RASSF8: variants seen among roughly 807,000 people sequenced by gnomAD.
The protein encoded by RASSF8 is Ras association domain family member 8.
Under a neutral mutation model 48.5 loss-of-function variants are expected in RASSF8, and 22 were observed. The observed-to-expected ratio is 0.45, with a 90% CI of 0.32 to 0.65. The LOEUF (loss-of-function observed/expected upper bound fraction) is 0.65. Among genes scored for constraint, RASSF8 ranks in the 30% least tolerant of loss-of-function variants. The pLI, the probability that RASSF8 is intolerant of heterozygous loss-of-function variation, is 0.03. For synonymous variants in RASSF8, 127 were observed against 171.5 expected (o/e 0.74, Z 2.03); for missense variants, 418 against 489.2 (o/e 0.85, Z 1.37).
chr12:26,067,429 TA>T, intron 4 of RASSF8, 139 bp from the exon 5 acceptor site: 2 of 930,042 alleles, frequency 2.2e-6, no homozygotes, highest in South Asian at 1.8e-5. Flanking sequence ...TGTGTCAATA[TA>T]AACCAGATTT....
intron 2 of RASSF8, among the ~76,000 whole-genome samples, chr12:26,024,026 T>G (rs1942848066): frequency 6.6e-6 from 1 of 152,240 alleles, no homozygotes; most frequent in Admixed American, 6.5e-5. Context: ...GTCAAATAAT[T>G]CTACAAAGTA....
chr12:26,047,935 A>G (rs1943407032), intron 2 of RASSF8, among the ~76,000 whole-genome samples: 3 of 152,258 alleles, frequency 2.0e-5, no homozygotes. Flanking sequence ...GCTGGCAAGT[A>G]GCATTCTATT....
chr12:25,980,262 AT>A (rs2136903852), intron 1 of RASSF8, among the ~76,000 whole-genome samples: 1 of 152,288 alleles, frequency 6.6e-6, no homozygotes, highest in South Asian at 2.1e-4. Flanking sequence ...AATACTCATA[AT>A]TTGATTGTAT....
chr12:26,060,111 A>T (rs1943706676), intron 3 of RASSF8, among the ~76,000 whole-genome samples: 1 of 152,076 alleles, frequency 6.6e-6, no homozygotes, highest in Admixed American at 6.5e-5. Flanking sequence ...GTTAGCCAGG[A>T]TGGTCTCGAT....
rs986257368 is a variant in RASSF8 at position 25,962,561 on chromosome 12, T to C, written c.-203+3413T>C. ...TAGGTGCTCAATAAATATGTTGATA[T>C]AATGAGTAAGATCGTAATATCAGTT... On this transcript the variant is annotated intron_variant, in intron 1 of 5. Transcript: ENST00000689635. Among the ~76,000 whole-genome samples, 13 of 152,308 alleles carry C rather than the reference T, an allele frequency of 8.5e-5. No homozygotes were observed. In the South Asian group the frequency reaches 1.2e-3, roughly 15 times the overall value.
chr12:25,963,063 T>C (rs1329115822), intron 1 of RASSF8, among the ~76,000 whole-genome samples: 1 of 152,216 alleles, frequency 6.6e-6, no homozygotes, highest in African/African-American at 2.4e-5. Context: ...CGTCACATGA[T>C]AACACGTTAG....
intron 1 of RASSF8, among the ~76,000 whole-genome samples, chr12:25,978,340 C>T (rs1447990948): frequency 2.6e-5 from 4 of 152,138 alleles, no homozygotes; most frequent in South Asian, 2.1e-4. Context: ...TGGCCAGCTG[C>T]GTCTAAGAAG....
chr12:26,068,780 A>C lies in RASSF8; in HGVS notation c.1222A>C (p.Ile408Leu). ...PSNLRILQNP[I>L]SSGFNPEGIY... The stretch of plus-strand genomic sequence containing the variant: ...TAATCTCCGCATTCTGCAGAATCCT[A>C]TCTCATCTGGTTTTAATCCTGAAGG... Residue 408 changes from isoleucine (I) to leucine (L), a missense_variant, in exon 6 of 6, where the codon ATC becomes CTC. Physicochemically the swap from Ile to Leu is conservative, Grantham distance 5. Transcript: ENST00000689635. 2 of 1,537,026 alleles carry C rather than the reference A, an allele frequency of 1.3e-6. No homozygotes were observed. Among genetic ancestry groups the C allele is most frequent in the East Asian group, 4.9e-5 (2 of 40,908 alleles).
intron 2 of RASSF8, among the ~76,000 whole-genome samples, chr12:26,032,820 A>G (rs1270513418): frequency 6.6e-6 from 1 of 152,234 alleles, no homozygotes; most frequent in Non-Finnish European, 1.5e-5. Flanking sequence ...ATAATTAAAC[A>G]GCGTATGTAC....
intron 1 of RASSF8, among the ~76,000 whole-genome samples, chr12:25,987,186 GGCCTCCCAAA>G (rs1196127390): frequency 2.0e-5 from 3 of 152,084 alleles, no homozygotes; most frequent in African/African-American, 7.2e-5. Flanking sequence ...CACCTGCCTC[GGCCTCCCAAA>G]GTGCTGGGAT....
At chr12:26,035,889 TA>T (rs1408628724) in intron 2 of RASSF8, among the ~76,000 whole-genome samples, 2 of 145,886 alleles carry the variant, frequency 1.4e-5, no homozygotes, top group Non-Finnish European at 3.0e-5. Context: ...ATATTATATA[TA>T]ATTATAATCA....
intron 2 of RASSF8, among the ~76,000 whole-genome samples, chr12:26,000,982 C>CTTTTTTTTTTT (rs34793650): frequency 3.7e-5 from 3 of 81,056 alleles, no homozygotes; most frequent in African/African-American, 1.0e-4. Flanking sequence ...TTAAAATTTC[C>CTTTTTTTTTTT]TTTTTTTTTT....
chr12:25,995,647 A>G (rs1006050262), intron 2 of RASSF8, among the ~76,000 whole-genome samples: 4 of 151,604 alleles, frequency 2.6e-5, no homozygotes, highest in African/African-American at 7.3e-5. Context: ...TATTGGCTTC[A>G]TTAAGTCAAG....
chr12:26,009,011 T>A (rs1942459917), intron 2 of RASSF8, among the ~76,000 whole-genome samples: 1 of 152,158 alleles, frequency 6.6e-6, no homozygotes, highest in Admixed American at 6.5e-5. Flanking sequence ...CAGTCCAGTG[T>A]TTTTTCTTGC....
intron 2 of RASSF8, among the ~76,000 whole-genome samples, chr12:26,016,531 T>C (rs551163983): frequency 6.6e-6 from 1 of 152,320 alleles, no homozygotes; most frequent in Non-Finnish European, 1.5e-5. Context: ...TTTGTTGATA[T>C]TGTTATCTAC....
intron 2 of RASSF8, among the ~76,000 whole-genome samples, chr12:26,054,426 A>G (rs1388353093): frequency 6.6e-6 from 1 of 152,258 alleles, no homozygotes; most frequent in Non-Finnish European, 1.5e-5. Context: ...GTTAATGTTT[A>G]TATTTTTTGA....
chr12:26,072,287 GT>G lies in RASSF8; in HGVS notation c.*3472del, dbSNP rs1944015454. On this transcript the variant is annotated 3_prime_UTR_variant, in exon 6 of 6. Transcript: ENST00000689635. Reference sequence around the variant, plus strand: ...ATACTATTTGCTACAGTATTTTTAAGTTTGGGGTGAAGGCCATCAGCTGTAT... The same window carrying G: ...ATACTATTTGCTACAGTATTTTTAAGTTGGGGTGAAGGCCATCAGCTGTAT... 1 of 984,596 alleles carries G rather than the reference GT, an allele frequency of 1.0e-6. No homozygotes were observed. Among genetic ancestry groups the G allele is most frequent in the African/African-American group, 1.7e-5 (1 of 57,310 alleles). The allele number at this position is 984,596 out of a possible 1,614,324, so 61.0% of individuals were successfully genotyped here.
intron 1 of RASSF8, among the ~76,000 whole-genome samples, chr12:25,976,872 T>G (rs1941619150): frequency 6.6e-6 from 1 of 152,186 alleles, no homozygotes; most frequent in South Asian, 2.1e-4. Flanking sequence ...TCCCAAAGCC[T>G]AACACCACAT....
chr12:26,057,775 C>T (rs909426438), intron 3 of RASSF8, among the ~76,000 whole-genome samples: 1 of 152,190 alleles, frequency 6.6e-6, no homozygotes, highest in Non-Finnish European at 1.5e-5. Context: ...TTCTCCACGT[C>T]CTCTCCAGCA....
Sources: allele counts gnomAD v4.1 joint callset (sites outside exome capture counted in the v4.1 genomes callset), GRCh38; gene constraint gnomAD v4.1.1; transcripts MANE v1.5; gene names NCBI Gene and HGNC (gene_info 2026-07-23, HGNC 2026-07-21).